NLRP14: variants seen among roughly 807,000 people sequenced by gnomAD.
NLRP14 encodes the protein NACHT, LRR and PYD domains-containing protein 14.
A neutral mutation model predicts 94.7 loss-of-function variants in NLRP14; 105 were observed. That is an observed-to-expected ratio of 1.11 (90% CI 0.95 to 1.30). The LOEUF is 1.30. Ranked by LOEUF, NLRP14 falls within the 50% of genes most tolerant of loss-of-function variation. NLRP14 has a pLI of 0.00. For synonymous variants in NLRP14, 508 were observed against 459.9 expected (o/e 1.10, Z -1.34); for missense variants, 1,362 against 1,254.1 (o/e 1.09, Z -1.30).
chr11:7,042,983 G>T lies in NLRP14; in HGVS notation c.957G>T (p.Leu319Phe), dbSNP rs1852284916. The T allele has an allele frequency of 2.5e-6, 4 of 1,614,008 alleles. No homozygotes were observed. Among genetic ancestry groups the T allele is most frequent in the African/African-American group, 1.3e-5 (1 of 74,918 alleles). The stretch of plus-strand genomic sequence containing the variant: ...CTTCTAAGAGACTAAAGCAGTTGTT[G>T]AAGAATCACCATTATGTAGAGCTAC... ...LTTSKRLKQL[L>F]KNHHYVELLG... Residue 319 changes from leucine to phenylalanine, a missense_variant, in exon 4 of 12, where the codon TTG becomes TTT. Coordinates refer to ENST00000299481, the MANE Select transcript of NLRP14 (RefSeq NM_176822.4).
the NLRP14 span, among the ~76,000 whole-genome samples, chr11:7,087,740 C>T: frequency 1.3e-5 from 2 of 151,994 alleles, no homozygotes; most frequent in African/African-American, 4.8e-5. Flanking sequence ...AAAGACAAAT[C>T]ACTTACTACA....
chr11:7,071,432 T>C lies in NLRP14; in HGVS notation c.*124T>C, dbSNP rs147121259. On this transcript the variant is annotated 3_prime_UTR_variant, in exon 12 of 12. Coordinates refer to ENST00000299481, the MANE Select transcript of NLRP14 (RefSeq NM_176822.4). ...CCAGAGATAGTGCACTTGGCAGCTGTCAGATACCATTCATCTACTTCTCTG... is the reference window on the plus strand; with the variant it reads ...CCAGAGATAGTGCACTTGGCAGCTGCCAGATACCATTCATCTACTTCTCTG... The C allele has an allele frequency of 2.8e-3, 2,037 of 735,156 alleles. 12 individuals carry two copies. The highest frequency in any genetic ancestry group is 0.013 in the African/African-American group (738 of 56,746). 45.5% of individuals were successfully genotyped at this position (735,156 alleles called of 1,614,324 possible).
rs1016632799 is a variant in NLRP14 at position 7,065,235 on chromosome 11, A to G, written c.2975+2732A>G. ...ATATCTCATTTATTTAGGTCTATCA[A>G]TAAAGCTTAGTAATTTTTTCTTGAG... On this transcript the variant is annotated intron_variant, in intron 10 of 11. Transcript: ENST00000299481. Among the ~76,000 whole-genome samples, 54 of 152,128 alleles carry G rather than the reference A, an allele frequency of 3.5e-4. 2 individuals carry two copies. Among genetic ancestry groups the G allele is most frequent in the African/African-American group, 1.3e-3 (52 of 41,446 alleles).
intron 6 of NLRP14, among the ~76,000 whole-genome samples, chr11:7,052,009 C>G (rs1315799875): frequency 1.3e-5 from 2 of 152,150 alleles, no homozygotes; most frequent in Non-Finnish European, 2.9e-5. Context: ...TTCTCTTTGT[C>G]TTGATAATTT....
At chr11:7,040,453 T>C (rs1307805729) in intron 3 of NLRP14, among the ~76,000 whole-genome samples, 3 of 152,136 alleles carry the variant, frequency 2.0e-5, no homozygotes, top group African/African-American at 7.2e-5. Context: ...TGCAATTGAA[T>C]CATCCTGAAA....
chr11:7,088,837 T>C, the NLRP14 span, among the ~76,000 whole-genome samples: 2 of 152,202 alleles, frequency 1.3e-5, no homozygotes, highest in Non-Finnish European at 2.9e-5. Flanking sequence ...AGGAGGCCAT[T>C]GAAGCCGTTA....
chr11:7,049,529 A>G (rs1283437089), intron 5 of NLRP14, 142 bp from the exon 6 acceptor site: 3 of 676,300 alleles, frequency 4.4e-6, no homozygotes, highest in East Asian at 5.4e-5. Flanking sequence ...TAGAAATTGA[A>G]GTTATAACCC....
chr11:7,089,261 G>A, the NLRP14 span: 2 of 1,611,192 alleles, frequency 1.2e-6, no homozygotes, highest in Non-Finnish European at 1.7e-6. Flanking sequence ...AAACCAACAA[G>A]TCGAGGGGCT....
chr11:7,020,479 A>C lies in NLRP14; in HGVS notation c.-313A>C, dbSNP rs756148131. 3.3e-5 allele frequency: 5 copies of C among 152,290 alleles called. No individual in the cohort carries two copies. Among genetic ancestry groups the C allele is most frequent in the African/African-American group, 1.2e-4 (5 of 41,456 alleles). The allele number at this position is 152,290 out of a possible 1,614,324, so 9.4% of individuals were successfully genotyped here. On this transcript the variant is annotated 5_prime_UTR_variant, in exon 1 of 12. Coordinates refer to ENST00000299481, the MANE Select transcript of NLRP14 (RefSeq NM_176822.4). Reference sequence around the variant, plus strand: ...CGCCTCCCGACCTTTGGCCGCTGGCATTCCTGCGCGGGCGGGAGCTGCGGG... The same window carrying C: ...CGCCTCCCGACCTTTGGCCGCTGGCCTTCCTGCGCGGGCGGGAGCTGCGGG...
chr11:7,071,043 CAT>C (rs1027749119), intron 11 of NLRP14, 128 bp from the exon 12 acceptor site: 2 of 984,760 alleles, frequency 2.0e-6, no homozygotes, highest in African/African-American at 3.2e-5. Flanking sequence ...ACTCCTCACC[CAT>C]GTTATAATAT....
chr11:7,031,086 G>A (rs1255718798), intron 1 of NLRP14, among the ~76,000 whole-genome samples: 1 of 152,192 alleles, frequency 6.6e-6, no homozygotes, highest in Non-Finnish European at 1.5e-5. Flanking sequence ...TCTCAGGGGA[G>A]GAGGAAGGTG....
chr11:7,035,507 A>G (rs1415528472), intron 1 of NLRP14, among the ~76,000 whole-genome samples: 1 of 152,202 alleles, frequency 6.6e-6, no homozygotes. Context: ...AATGCTGCTC[A>G]ACATCATATA....
chr11:7,047,763 C>CTTTTTTTTTTTTTTTTTTTT (rs370253823), intron 5 of NLRP14, among the ~76,000 whole-genome samples: 1 of 123,844 alleles, frequency 8.1e-6, no homozygotes, highest in African/African-American at 3.1e-5. Context: ...TCTTTCTTTT[C>CTTTTTTTTTTTTTTTTTTTT]TTTTCTTTTT....
At chr11:7,055,097 G>A (rs187857809) in intron 6 of NLRP14, among the ~76,000 whole-genome samples, 6 of 152,102 alleles carry the variant, frequency 3.9e-5, no homozygotes, top group Non-Finnish European at 7.4e-5. Context: ...CACCTTTGTC[G>A]AAAATGAGTC....
intron 10 of NLRP14, among the ~76,000 whole-genome samples, chr11:7,064,860 C>T (rs1852680608): frequency 6.6e-6 from 1 of 151,464 alleles, no homozygotes; most frequent in African/African-American, 2.4e-5. Context: ...ATTTTTATCC[C>T]CTCTGCTTGG....
intron 1 of NLRP14, among the ~76,000 whole-genome samples, chr11:7,026,967 TAATAAA>T (rs1031450728): frequency 2.6e-5 from 4 of 151,584 alleles, no homozygotes; most frequent in Non-Finnish European, 5.9e-5. Context: ...ATAATAATAA[TAATAAA>T]AAAGAAAAGA....
the NLRP14 span, chr11:7,089,287 T>C: frequency 6.2e-7 from 1 of 1,608,112 alleles, no homozygotes; most frequent in Non-Finnish European, 8.5e-7. Context: ...TTCGTCACCT[T>C]TGAAAGCCCC....
chr11:7,062,218 T>G, intron 9 of NLRP14, 115 bp from the exon 10 acceptor site: 1 of 860,970 alleles, frequency 1.2e-6, no homozygotes. Context: ...ATGTCCTGGA[T>G]TGTAGATAGA....
intron 1 of NLRP14, among the ~76,000 whole-genome samples, chr11:7,021,957 A>G (rs1424441016): frequency 6.6e-6 from 1 of 151,970 alleles, no homozygotes; most frequent in Non-Finnish European, 1.5e-5. Flanking sequence ...ATTAAAAGAA[A>G]AAAAAAAAGC....
Sources: gnomAD v4.1 joint callset for allele counts (sites outside exome capture counted in the v4.1 genomes callset) on GRCh38, gnomAD v4.1.1 for gene constraint, MANE v1.5 for transcripts, NCBI Gene and HGNC (gene_info 2026-07-23, HGNC 2026-07-21) for gene names.